The following NCKAP5 variants were observed in gnomAD, a reference collection of about 807,000 sequenced individuals.
NCKAP5 encodes the protein nck-associated protein 5.
In NCKAP5, 92 loss-of-function variants were observed where a neutral mutation model predicts 167.0. The observed-to-expected ratio is 0.55, with a 90% CI of 0.47 to 0.66. The LOEUF (loss-of-function observed/expected upper bound fraction) is 0.66, where lower values mean the gene tolerates loss of function less well. NCKAP5 is among the 30% of genes least tolerant of loss of function. NCKAP5 has a pLI of 0.00. For missense variants in NCKAP5, 2,378 were observed against 2,315.0 expected (o/e 1.03, Z -0.56); for synonymous variants, 891 against 877.4 (o/e 1.02, Z -0.27).
intron 3 of NCKAP5, among the ~76,000 whole-genome samples, chr2:133,418,600 A>G (rs999586417): frequency 2.6e-5 from 4 of 152,108 alleles, no homozygotes; most frequent in African/African-American, 9.7e-5. Flanking sequence ...GGGGGCTGTT[A>G]TTTTATTCTT....
At chr2:132,885,116 T>C (rs1692112021) in intron 8 of NCKAP5, among the ~76,000 whole-genome samples, 1 of 152,124 alleles carries the variant, frequency 6.6e-6, no homozygotes, top group African/African-American at 2.4e-5. Context: ...GAAGTTAAAA[T>C]AATCTTGAAC....
chr2:133,143,143 G>A (rs2083061569), intron 5 of NCKAP5, among the ~76,000 whole-genome samples: 1 of 151,636 alleles, frequency 6.6e-6, no homozygotes, highest in African/African-American at 2.4e-5. Flanking sequence ...CTCCACAAAT[G>A]TACATTTTTA....
intron 3 of NCKAP5, among the ~76,000 whole-genome samples, chr2:133,506,927 T>C (rs1410234099): frequency 6.6e-6 from 1 of 152,212 alleles, no homozygotes; most frequent in East Asian, 1.9e-4. Context: ...CTAACTACTT[T>C]AGACCAGGCT....
At chr2:132,874,621 C>A (rs72992847) in intron 9 of NCKAP5, among the ~76,000 whole-genome samples, 2 of 152,268 alleles carry the variant, frequency 1.3e-5, no homozygotes, top group African/African-American at 2.4e-5. Flanking sequence ...AATGTCCTTG[C>A]GCTCTGAAGT....
chr2:133,435,501 C>T (rs1690418113), intron 3 of NCKAP5, among the ~76,000 whole-genome samples: 1 of 152,128 alleles, frequency 6.6e-6, no homozygotes, highest in African/African-American at 2.4e-5. Flanking sequence ...TGGAACGAAG[C>T]CAGTCTCTCC....
At chr2:133,412,357 T>G (rs905665839) in intron 3 of NCKAP5, among the ~76,000 whole-genome samples, 29 of 152,164 alleles carry the variant, frequency 1.9e-4, no homozygotes, top group Admixed American at 1.9e-3. Context: ...GAGAAATAAG[T>G]TTGCATTTTT....
At chr2:133,084,689 A>G (rs952901044) in intron 6 of NCKAP5, among the ~76,000 whole-genome samples, 2 of 152,164 alleles carry the variant, frequency 1.3e-5, no homozygotes, top group Non-Finnish European at 2.9e-5. Context: ...AATAAACTTC[A>G]TACATCAAGC....
chr2:133,470,901 G>A (rs954019704), intron 3 of NCKAP5, among the ~76,000 whole-genome samples: 2 of 152,186 alleles, frequency 1.3e-5, no homozygotes, highest in South Asian at 2.1e-4. Flanking sequence ...ACTGACCTGC[G>A]CCCACTGTCT....
chr2:133,227,451 C>T (rs941452291), intron 4 of NCKAP5, among the ~76,000 whole-genome samples: 2 of 152,170 alleles, frequency 1.3e-5, no homozygotes, highest in African/African-American at 2.4e-5. Context: ...TCTCTGGCTG[C>T]CCCATTATTG....
Position 132,699,780 on chromosome 2 carries a change from C to T in NCKAP5, c.5713+25847G>A, listed in dbSNP as rs542028989. On this transcript the variant is annotated intron_variant, in intron 19 of 19. Coordinates refer to ENST00000409261, the MANE Select transcript of NCKAP5 (RefSeq NM_207363.3). ...GTCTTTGCTATTGTGAATAGTGTCG[C>T]AATAAACATACGTGTGCATGTGTCT... 2.6e-5 allele frequency among the ~76,000 whole-genome samples: 4 copies of T among 152,270 alleles called. No individual in the cohort carries two copies. In the South Asian group the frequency reaches 6.2e-4, roughly 24 times the overall value.
At chr2:133,664,796 C>A in the NCKAP5 span, among the ~76,000 whole-genome samples, 4 of 152,270 alleles carry the variant, frequency 2.6e-5, no homozygotes, top group Non-Finnish European at 4.4e-5. Context: ...CCGCACCCAG[C>A]CGAAAATCTG....
chr2:132,931,379 T>A (rs1394430593), intron 8 of NCKAP5: 1 of 151,504 alleles, frequency 6.6e-6, no homozygotes, highest in Admixed American at 6.6e-5. Flanking sequence ...GTCACTTCCC[T>A]TTTTTTTTCC....
intron 3 of NCKAP5, among the ~76,000 whole-genome samples, chr2:133,457,343 G>A (rs897941573): frequency 6.6e-6 from 1 of 152,086 alleles, no homozygotes; most frequent in Admixed American, 6.6e-5. Flanking sequence ...TGACCTCAAA[G>A]AGTCACCCCT....
chr2:133,647,193 T>C, the NCKAP5 span, among the ~76,000 whole-genome samples: 2 of 151,692 alleles, frequency 1.3e-5, no homozygotes, highest in African/African-American at 4.8e-5. Context: ...TAAATTCAGC[T>C]GGGCATGGTT....
intron 3 of NCKAP5, among the ~76,000 whole-genome samples, chr2:133,512,245 AT>A (rs1229503553): frequency 2.6e-5 from 4 of 152,152 alleles, no homozygotes; most frequent in African/African-American, 9.7e-5. Context: ...CCTTCTAAAT[AT>A]TTTTCTACTA....
chr2:133,429,646 T>C (rs1313706987), intron 3 of NCKAP5, among the ~76,000 whole-genome samples: 1 of 152,000 alleles, frequency 6.6e-6, no homozygotes, highest in African/African-American at 2.4e-5. Flanking sequence ...AGGGACATAA[T>C]TTTATTTTTT....
chr2:133,470,955 C>G (rs1426214254), intron 3 of NCKAP5, among the ~76,000 whole-genome samples: 2 of 152,204 alleles, frequency 1.3e-5, no homozygotes, highest in Admixed American at 6.5e-5. Context: ...GATGGAAATG[C>G]AGAAATCACC....
At chr2:132,709,088 T>G (rs1688615542) in intron 19 of NCKAP5, among the ~76,000 whole-genome samples, 1 of 152,122 alleles carries the variant, frequency 6.6e-6, no homozygotes, top group African/African-American at 2.4e-5. Flanking sequence ...TTTCCTATTA[T>G]TTCTAGTAAC....
intron 4 of NCKAP5, among the ~76,000 whole-genome samples, chr2:133,294,053 T>C (rs1679784333): frequency 6.6e-6 from 1 of 152,198 alleles, no homozygotes; most frequent in Non-Finnish European, 1.5e-5. Flanking sequence ...AGCGTGATGT[T>C]TTGCTTTCAG....
Sources: allele counts gnomAD v4.1 joint callset (sites outside exome capture counted in the v4.1 genomes callset), GRCh38; gene constraint gnomAD v4.1.1; transcripts MANE v1.5; gene names NCBI Gene and HGNC (gene_info 2026-07-23, HGNC 2026-07-21).